IGSF10: variants seen among roughly 807,000 people sequenced by gnomAD.
The protein encoded by IGSF10 is immunoglobulin superfamily member 10, also known as calvaria mechanical force protein 608.
A neutral mutation model predicts 128.2 loss-of-function variants in IGSF10; 126 were observed. The observed-to-expected ratio is 0.98, with a 90% CI of 0.85 to 1.14. The LOEUF is 1.14. Among genes scored for constraint, IGSF10 ranks in the 50% most tolerant of loss-of-function variants. The pLI is 0.00. For missense variants in IGSF10, 3,295 were observed against 3,149.8 expected (o/e 1.05, Z -1.10); for synonymous variants, 1,185 against 1,146.2 (o/e 1.03, Z -0.68).
At chr3:151,607,948 C>T in the IGSF10 span, among the ~76,000 whole-genome samples, 35 of 128,792 alleles carry the variant, frequency 2.7e-4, no homozygotes, top group South Asian at 8.8e-3. Flanking sequence ...GAAATGGGAA[C>T]ATGCTAGTAA....
At chr3:151,488,824 C>T in the IGSF10 span, among the ~76,000 whole-genome samples, 1 of 152,146 alleles carries the variant, frequency 6.6e-6, no homozygotes, top group African/African-American at 2.4e-5. Context: ...AAAAGTAACT[C>T]AAGATGTATT....
the IGSF10 span, among the ~76,000 whole-genome samples, chr3:151,516,847 G>A: frequency 6.6e-6 from 1 of 152,138 alleles, no homozygotes; most frequent in Admixed American, 6.6e-5. Context: ...ACTAAGCAAT[G>A]AGTACAGTTG....
At chr3:151,559,246 C>T in the IGSF10 span, among the ~76,000 whole-genome samples, 952 of 152,242 alleles carry the variant, frequency 6.3e-3, 10 homozygotes, top group African/African-American at 0.022. Context: ...AGCACAGGCA[C>T]GTACCTGAAG....
At chr3:151,597,746 G>C in the IGSF10 span, among the ~76,000 whole-genome samples, 5 of 151,956 alleles carry the variant, frequency 3.3e-5, no homozygotes, top group Admixed American at 6.6e-5. Context: ...GTGAAACCTC[G>C]TCTCTACTAA....
upstream of IGSF10, among the ~76,000 whole-genome samples, chr3:151,462,541 G>A (rs368758582): frequency 2.6e-3 from 400 of 151,738 alleles, 15 homozygotes; most frequent in South Asian, 0.081. Flanking sequence ...CATTTTACAA[G>A]TAAGGTACAT....
At chr3:151,604,656 A>C in the IGSF10 span, among the ~76,000 whole-genome samples, 10 of 151,834 alleles carry the variant, frequency 6.6e-5, no homozygotes, top group Admixed American at 6.6e-4. Context: ...AAATATCTAT[A>C]TATATTTTTA....
the IGSF10 span, among the ~76,000 whole-genome samples, chr3:151,532,550 C>T: frequency 9.2e-5 from 14 of 152,096 alleles, 1 homozygote; most frequent in Admixed American, 8.5e-4. Context: ...CATAATCCAT[C>T]GCATAAGCAG....
the IGSF10 span, among the ~76,000 whole-genome samples, chr3:151,503,361 G>T: frequency 6.6e-6 from 1 of 151,826 alleles, no homozygotes; most frequent in African/African-American, 2.4e-5. Flanking sequence ...CAAGTATTAC[G>T]TTTAAAGTAA....
At chr3:151,582,682 G>T in the IGSF10 span, among the ~76,000 whole-genome samples, 105 of 151,840 alleles carry the variant, frequency 6.9e-4, no homozygotes, top group Non-Finnish European at 1.4e-3. Flanking sequence ...TCTATCTATT[G>T]TCTGTCTATC....
chr3:151,561,599 TGTGGCTTTAAAAAGA>T, the IGSF10 span, among the ~76,000 whole-genome samples: 259 of 152,256 alleles, frequency 1.7e-3, 2 homozygotes, highest in African/African-American at 5.7e-3. Context: ...TGAAATAAAA[TGTGGCTTTAAAAAGA>T]GTAAACAAGA....
Position 151,447,385 on chromosome 3 carries a change from T to C in IGSF10, c.2596A>G (p.Lys866Glu). 1.2e-6 allele frequency: 2 copies of C among 1,614,194 alleles called. No individual in the cohort carries two copies. The highest frequency in any genetic ancestry group is 1.7e-6 in the Non-Finnish European group (2 of 1,180,000). The change falls in exon 6 of 8, where the codon AAA becomes GAA. Residue 866 changes from lysine (K) to glutamate (E), a missense_variant. By Grantham distance (56) the Lys-to-Glu change is moderately conservative (BLOSUM62 1). Transcript: ENST00000282466. ...PTDFKLSTAI[K>E]TTAMSKNINP... ...ATATTCTTTGACATGGCTGTAGTTTTAATAGCAGTAGACAGTTTGAAATCT... is the reference window on the plus strand; with the variant it reads ...ATATTCTTTGACATGGCTGTAGTTTCAATAGCAGTAGACAGTTTGAAATCT...
At chr3:151,441,366 C>A (rs544837674) in intron 7 of IGSF10, among the ~76,000 whole-genome samples, 166 of 152,338 alleles carry the variant, frequency 1.1e-3, no homozygotes, top group African/African-American at 3.5e-3. Flanking sequence ...ACAAAACTCA[C>A]ATTTCATAAC....
chr3:151,602,828 A>G, the IGSF10 span, among the ~76,000 whole-genome samples: 18 of 152,300 alleles, frequency 1.2e-4, no homozygotes, highest in African/African-American at 3.6e-4. Flanking sequence ...TAGGTTCATG[A>G]TTATCCAGTT....
the IGSF10 span, among the ~76,000 whole-genome samples, chr3:151,610,404 A>T: frequency 1.8e-4 from 28 of 152,330 alleles, no homozygotes; most frequent in African/African-American, 6.5e-4. Flanking sequence ...TCATGGATCA[A>T]GCTGTAGCTC....
At chr3:151,444,459 C>G (rs548632513) in intron 6 of IGSF10, among the ~76,000 whole-genome samples, 106 of 152,218 alleles carry the variant, frequency 7.0e-4, no homozygotes, top group African/African-American at 2.5e-3. Context: ...AGGTGCCCAC[C>G]ACCACACCCG....
At chr3:151,506,101 G>A in the IGSF10 span, among the ~76,000 whole-genome samples, 6 of 152,198 alleles carry the variant, frequency 3.9e-5, no homozygotes, top group East Asian at 1.9e-4. Flanking sequence ...ACAGGCACAC[G>A]CCACTACGCT....
the IGSF10 span, among the ~76,000 whole-genome samples, chr3:151,499,028 GCATTTA>G: frequency 6.6e-6 from 1 of 151,912 alleles, no homozygotes; most frequent in Non-Finnish European, 1.5e-5. Flanking sequence ...GCCATAGGAG[GCATTTA>G]CATTTAAAGT....
chr3:151,440,345 T>C (rs1299737729), intron 7 of IGSF10, among the ~76,000 whole-genome samples: 1 of 152,168 alleles, frequency 6.6e-6, no homozygotes, highest in African/African-American at 2.4e-5. Context: ...GTCACTGTTA[T>C]TCTCCAGCAA....
In IGSF10 at chr3:151,440,563, T is replaced by G. The variant is rs1176310342; in HGVS notation, c.5964-1966A>C. ...CTGAAAAATTGGTATTTAGAGAGATTTAGCAACTTGCCTTAGGTCACAGGG... is the reference window on the plus strand; with the variant it reads ...CTGAAAAATTGGTATTTAGAGAGATGTAGCAACTTGCCTTAGGTCACAGGG... On this transcript the variant is annotated intron_variant, in intron 7 of 7. Transcript: ENST00000282466. The G allele has an allele frequency of 3.1e-5, 14 of 456,610 alleles. No homozygotes were observed. The Admixed American group carries it at 3.3e-4, about 11-fold the overall frequency. The allele number at this position is 456,610 out of a possible 1,614,324, so 28.3% of individuals were successfully genotyped here.
Sources: allele counts gnomAD v4.1 joint callset (sites outside exome capture counted in the v4.1 genomes callset), GRCh38; gene constraint gnomAD v4.1.1; transcripts MANE v1.5; gene names NCBI Gene and HGNC (gene_info 2026-07-23, HGNC 2026-07-21).